C1orf21: variants seen among roughly 807,000 people sequenced by gnomAD.
The protein encoded by C1orf21 is uncharacterized protein C1orf21.
In C1orf21, 3 loss-of-function variants were observed where a neutral mutation model predicts 18.7. The ratio of observed to expected loss-of-function variants is 0.16; its 90% CI spans 0.07 to 0.42. The LOEUF (loss-of-function observed/expected upper bound fraction) is 0.42, where lower values mean the gene tolerates loss of function less well. Ranked by LOEUF, C1orf21 falls within the 10% of genes least tolerant of loss-of-function variation. The probability of loss-of-function intolerance (pLI) is 0.99; values close to 1 mark genes in which losing one functional copy is unlikely to be tolerated. For missense variants in C1orf21, 104 were observed against 143.6 expected, an observed-to-expected ratio of 0.72 and a Z score of 1.41; for synonymous variants, 41 against 46.4, an observed-to-expected ratio of 0.88 and a Z score of 0.47.
At chr1:184,617,174 A>G (rs1439727147) in intron 5 of C1orf21, among the ~76,000 whole-genome samples, 1 of 152,170 alleles carries the variant, frequency 6.6e-6, no homozygotes, top group African/African-American at 2.4e-5. Context: ...TCCTGACCAT[A>G]ACCCTATGGG....
chr1:184,583,090 C>T (rs1356700421), intron 3 of C1orf21, among the ~76,000 whole-genome samples: 5 of 152,176 alleles, frequency 3.3e-5, no homozygotes, highest in African/African-American at 4.8e-5. Flanking sequence ...CCGCCCGCCT[C>T]GGCCTCCCAG....
chr1:184,502,290 G>T (rs149067082), intron 2 of C1orf21, among the ~76,000 whole-genome samples: 1 of 152,180 alleles, frequency 6.6e-6, no homozygotes, highest in African/African-American at 2.4e-5. Flanking sequence ...AAGCAAGCAG[G>T]CTAAATTCAC....
At chr1:184,582,797 T>C (rs1659292440) in intron 3 of C1orf21, among the ~76,000 whole-genome samples, 1 of 152,122 alleles carries the variant, frequency 6.6e-6, no homozygotes, top group Non-Finnish European at 1.5e-5. Context: ...CCTTTAGTAT[T>C]AAGAAGGTGA....
In C1orf21 at chr1:184,470,082, G is replaced by T. The variant is rs900161806; in HGVS notation, c.-124-7304G>T. 7.9e-5 allele frequency among the ~76,000 whole-genome samples: 12 copies of T among 152,062 alleles called. No individual in the cohort carries two copies. In the East Asian group the frequency reaches 9.6e-4, roughly 12 times the overall value. ...ATTCTGCATTCAGTTTTGTGTGTGT[G>T]TTTTTTTATTTTTAAAAGTCTCTCC... On this transcript the variant is annotated intron_variant, in intron 1 of 5. Transcript: ENST00000235307.
rs181962652 is a variant in C1orf21, at chr1:184,436,579, A to G, written c.-124-40807A>G. On this transcript the variant is annotated intron_variant, in intron 1 of 5. Transcript: ENST00000235307. ...ATGCTTCCCTAAAGGAGAAAAAAAAATGTGACCTGTACTATGCCACTTATT... is the reference window on the plus strand; with the variant it reads ...ATGCTTCCCTAAAGGAGAAAAAAAAGTGTGACCTGTACTATGCCACTTATT... 2.7e-3 allele frequency among the ~76,000 whole-genome samples: 415 copies of G among 152,264 alleles called. 6 individuals are homozygous for G. Among genetic ancestry groups the G allele is most frequent in the African/African-American group, 9.1e-3 (379 of 41,540 alleles).
rs1364154655 is a variant in C1orf21, at chr1:184,626,104, C to T, written c.*6548C>T. On this transcript the variant is annotated 3_prime_UTR_variant, in exon 6 of 6. Transcript: ENST00000235307. ...CAGTCTTGATGATTCATTCATTGAACTCATTTATTTCTGGAGCCCCTGGTA... is the reference window on the plus strand; with the variant it reads ...CAGTCTTGATGATTCATTCATTGAATTCATTTATTTCTGGAGCCCCTGGTA... 1 of 152,112 alleles carries T rather than the reference C, an allele frequency of 6.6e-6. No homozygotes were observed. Among genetic ancestry groups the T allele is most frequent in the Non-Finnish European group, 1.5e-5 (1 of 68,034 alleles). 9.4% of individuals were successfully genotyped at this position (152,112 alleles called of 1,614,324 possible).
intron 2 of C1orf21, among the ~76,000 whole-genome samples, chr1:184,490,793 G>A (rs1377194094): frequency 1.3e-5 from 2 of 152,102 alleles, no homozygotes; most frequent in East Asian, 3.9e-4. Context: ...CCAGAACATG[G>A]CCTTATGTAG....
At chr1:184,428,597 A>G (rs1180244483) in intron 1 of C1orf21, among the ~76,000 whole-genome samples, 1 of 152,226 alleles carries the variant, frequency 6.6e-6, no homozygotes, top group Non-Finnish European at 1.5e-5. Flanking sequence ...ATCAAGTTGC[A>G]GTTGATTATT....
At chr1:184,470,103 T>C (rs955278541) in intron 1 of C1orf21, among the ~76,000 whole-genome samples, 1 of 152,220 alleles carries the variant, frequency 6.6e-6, no homozygotes, top group Non-Finnish European at 1.5e-5. Context: ...TTTAAAAGTC[T>C]CTCCCTTTCC....
intron 1 of C1orf21, among the ~76,000 whole-genome samples, chr1:184,462,437 T>C (rs1416866839): frequency 6.6e-6 from 1 of 152,184 alleles, no homozygotes; most frequent in Admixed American, 6.5e-5. Context: ...AATATCAATT[T>C]GTAATGAGCC....
intron 1 of C1orf21, among the ~76,000 whole-genome samples, chr1:184,449,311 G>A (rs1657083722): frequency 6.8e-6 from 1 of 146,828 alleles, no homozygotes; most frequent in Non-Finnish European, 1.5e-5. Context: ...TTGGCTTTTT[G>A]TCCTTGCGAT....
At chr1:184,426,412 C>T (rs1294635682) in intron 1 of C1orf21, among the ~76,000 whole-genome samples, 1 of 152,096 alleles carries the variant, frequency 6.6e-6, no homozygotes, top group Non-Finnish European at 1.5e-5. Flanking sequence ...GCTTCAAACC[C>T]TTCAGTAACA....
intron 3 of C1orf21, among the ~76,000 whole-genome samples, chr1:184,536,515 C>A (rs145949006): frequency 5.3e-4 from 81 of 152,316 alleles, no homozygotes; most frequent in Middle Eastern, 3.4e-3. Context: ...CATGGTCACA[C>A]CTCACTGGGA....
At chr1:184,448,960 T>C (rs74565378) in intron 1 of C1orf21, among the ~76,000 whole-genome samples, 1 of 152,232 alleles carries the variant, frequency 6.6e-6, no homozygotes, top group African/African-American at 2.4e-5. Context: ...CCTAAATATA[T>C]GTATTTTTAA....
At chr1:184,450,870 TTTTG>T (rs1045358296) in intron 1 of C1orf21, among the ~76,000 whole-genome samples, 18 of 152,188 alleles carry the variant, frequency 1.2e-4, no homozygotes, top group African/African-American at 2.6e-4. Flanking sequence ...AATTGTGTGT[TTTTG>T]TTTGTTTGTT....
At chr1:184,417,311 G>A (rs1280592747) in intron 1 of C1orf21, among the ~76,000 whole-genome samples, 1 of 152,170 alleles carries the variant, frequency 6.6e-6, no homozygotes, top group Non-Finnish European at 1.5e-5. Flanking sequence ...CTTCCATAGC[G>A]ACAATGCTAT....
chr1:184,596,891 A>AAG (rs1239147374), intron 4 of C1orf21, among the ~76,000 whole-genome samples: 1 of 151,530 alleles, frequency 6.6e-6, no homozygotes, highest in Non-Finnish European at 1.5e-5. Context: ...AAAAAAAAGA[A>AAG]AGAAAGAAAA....
chr1:184,473,318 C>T (rs1657521941), intron 1 of C1orf21, among the ~76,000 whole-genome samples: 1 of 152,206 alleles, frequency 6.6e-6, no homozygotes, highest in Non-Finnish European at 1.5e-5. Context: ...ACAAAAGTCT[C>T]AGAGCTGCTC....
intron 3 of C1orf21, among the ~76,000 whole-genome samples, chr1:184,588,478 C>A (rs1659389893): frequency 6.6e-6 from 1 of 152,090 alleles, no homozygotes; most frequent in South Asian, 2.1e-4. Flanking sequence ...TAGTGAACAG[C>A]ATGGAGTTTG....
Sources: gnomAD v4.1 joint callset for allele counts (sites outside exome capture counted in the v4.1 genomes callset) on GRCh38, gnomAD v4.1.1 for gene constraint, MANE v1.5 for transcripts, NCBI Gene and HGNC (gene_info 2026-07-23, HGNC 2026-07-21) for gene names.